Variants in TCHH observed in about 807,000 individuals in gnomAD.
The protein encoded by TCHH is trichohyalin.
A neutral mutation model predicts 6.3 loss-of-function variants in TCHH; 6 were observed. The observed-to-expected ratio is 0.95, with a 90% CI of 0.52 to 1.88. TCHH has a LOEUF of 1.88. TCHH is among the 40% of genes most tolerant of loss of function. TCHH has a pLI of 0.01. For missense variants in TCHH, 2,920 were observed against 2,449.1 expected, an observed-to-expected ratio of 1.19 and a Z score of -4.06; for synonymous variants, 1,087 against 963.6, an observed-to-expected ratio of 1.13 and a Z score of -2.37.
chr1:152,110,826 C>G lies in TCHH; in HGVS notation c.2391G>C (p.Gln797His). 1 of 1,609,142 alleles carries G rather than the reference C, an allele frequency of 6.2e-7. No homozygotes were observed. The highest frequency in any genetic ancestry group is 1.1e-5 in the South Asian group (1 of 91,082). Residue 797 changes from glutamine to histidine, a missense_variant, in exon 3 of 3, where the codon CAG (glutamine) becomes CAC (histidine). Physicochemically the swap from Gln to His is conservative, Grantham distance 24. Transcript: ENST00000614923. ...GCTGCTGGCGCTCCTCGGCCCTCAGCTGCCTCTCCCGCTGCTCCCGCAATG... is the reference window on the plus strand; with the variant it reads ...GCTGCTGGCGCTCCTCGGCCCTCAGGTGCCTCTCCCGCTGCTCCCGCAATG... ...RPPLREQRER[Q>H]LRAEERQQRE...
At position 152,109,511 on chromosome 1, in the gene TCHH, G is replaced by A. The variant is rs766564730; in HGVS notation, c.3706C>T (p.Arg1236Cys). Residue 1236 changes from arginine (R) to cysteine (C), a missense_variant, in exon 3 of 3, where the codon CGT (arginine) becomes TGT (cysteine). By Grantham distance (180) the Arg-to-Cys change is radical. Transcript: ENST00000614923. The part of the protein sequence containing the change: ...QWEPEKENAV[R>C]DNKVYCKGRE... ...CCTTTGCAGTAAACCTTGTTATCAC[G>A]AACTGCATTTTCTTTTTCTGGTTCC... 6.2e-7 allele frequency: 1 copy of A among 1,614,236 alleles called. No individual in the cohort carries two copies. Among genetic ancestry groups the A allele is most frequent in the Non-Finnish European group, 8.5e-7 (1 of 1,180,050 alleles).
rs772974347 is a variant in TCHH, at chr1:152,110,860, G to T, written c.2357C>A (p.Ala786Asp). 7 of 1,609,714 alleles carry T rather than the reference G, an allele frequency of 4.3e-6. No homozygotes were observed. Among genetic ancestry groups the T allele is most frequent in the Non-Finnish European group, 5.9e-6 (7 of 1,179,636 alleles). The change falls in exon 3 of 3, where the codon GCC becomes GAC. Residue 786 changes from alanine (A) to aspartate (D), a missense_variant. By Grantham distance (126) the Ala-to-Asp change is moderately radical (BLOSUM62 -2). Transcript: ENST00000614923. ...KSERGRQRLS[A>D]RPPLREQRER... ...CCGCTGCTCCCGCAATGGGGGCCTG[G>T]CCGACAGCCTCTGACGGCCCCTCTC...
chr1:152,110,438 C>G lies in TCHH; in HGVS notation c.2779G>C (p.Glu927Gln). 1 of 1,614,146 alleles carries G rather than the reference C, an allele frequency of 6.2e-7. No homozygotes were observed. The highest frequency in any genetic ancestry group is 2.2e-5 in the East Asian group (1 of 44,878). ...TGCTCTTCCTCGCGGTATTGTCTCT[C>G]CTGTTCTTGGCGCCTTCTCTTCTCG... ...EREKRRRQEQ[E>Q]RQYREEEQLQ... The change falls in exon 3 of 3, where the codon GAG becomes CAG. Residue 927 changes from glutamate to glutamine, a missense_variant. Transcript: ENST00000614923.
rs1234138060 is a variant in TCHH at position 152,112,949 on chromosome 1, C to G, written c.268G>C (p.Gly90Arg). Residue 90 changes from glycine (G) to arginine (R), a missense_variant, in exon 3 of 3, where the codon GGC becomes CGC. Gly to Arg is a moderately radical substitution (Grantham distance 125). Coordinates refer to ENST00000614923, the MANE Select transcript of TCHH (RefSeq NM_007113.4). ...TCCTCATCCAGTCCCGTGGCCTGGC[C>G]GAGAGCATAGTAACAAGCTTGAGCC... is the stretch of plus-strand genomic sequence containing the variant. ...KVAQACYYAL[G>R]QATGLDEEKR... 1 of 1,613,888 alleles carries G rather than the reference C, an allele frequency of 6.2e-7. No homozygotes were observed. The highest frequency in any genetic ancestry group is 8.5e-7 in the Non-Finnish European group (1 of 1,180,026).
At position 152,111,954 on chromosome 1, in the gene TCHH, G is replaced by C. The variant is rs756096456; in HGVS notation, c.1263C>G (p.Arg421=). ...CCTGCTCGCGCCTCAGCTGCTGCTC[G>C]CGCCTCAGCTGCTGCTCGCGCCTCA... is the stretch of plus-strand genomic sequence containing the variant. ...QQLRREQQLR[R]EQQLRREQEE... is the part of the protein sequence containing the mutation. The change falls in exon 3 of 3, where the codon CGC becomes CGG. Residue 421 remains arginine, a synonymous_variant. Transcript: ENST00000614923. The C allele has an allele frequency of 1.9e-6, 3 of 1,541,076 alleles. No individual in the cohort carries two copies. The African/African-American group carries it at 5.1e-5, about 26-fold the overall frequency.
chr1:152,110,733 C>T lies in TCHH; in HGVS notation c.2484G>A (p.Glu828=). ...CTTCCTCCAGGAACTGCAGCTCTTT[C>T]TCCCTCTCGCGTCGCTGGCGGCGCC... is the stretch of plus-strand genomic sequence containing the variant. The part of the protein sequence containing the change: ...EQRRRQRRER[E]KELQFLEEEE... The change falls in exon 3 of 3, where the codon GAG becomes GAA. Residue 828 remains glutamate, a synonymous_variant. Transcript: ENST00000614923. 6.2e-7 allele frequency: 1 copy of T among 1,610,210 alleles called. No individual in the cohort carries two copies. Among genetic ancestry groups the T allele is most frequent in the African/African-American group, 1.3e-5 (1 of 75,048 alleles).
Position 152,110,592 on chromosome 1 carries a change from C to T in TCHH, c.2625G>A (p.Arg875=). Residue 875 remains arginine (R), a synonymous_variant, in exon 3 of 3, where the codon AGG becomes AGA. Coordinates refer to ENST00000614923, the MANE Select transcript of TCHH (RefSeq NM_007113.4). ...SQEQRRDQKW[R]WQLEEERKRR... is the part of the protein sequence containing the mutation. The stretch of plus-strand genomic sequence containing the variant: ...TCTTCCTTTCTTCTTCTAGTTGCCA[C>T]CTCCATTTTTGGTCGCGGCGCTGCT... The T allele has an allele frequency of 1.2e-6, 2 of 1,614,200 alleles. No individual in the cohort carries two copies. Among genetic ancestry groups the T allele is most frequent in the Non-Finnish European group, 1.7e-6 (2 of 1,180,034 alleles).
chr1:152,108,555 GTCACGGTCC>G lies in TCHH; in HGVS notation c.4653_4661del (p.Gln1551_Asp1554delinsHis). ...GCTGTTCCTCCTCGCGGAATTTTCT[GTCACGGTCC>G]TGACGCCGCTGTTGCCCGCGCTCCT... On this transcript the variant is annotated inframe_deletion, in exon 3 of 3. Transcript: ENST00000614923. The G allele has an allele frequency of 1.2e-6, 2 of 1,602,502 alleles. No individual in the cohort carries two copies. The highest frequency in any genetic ancestry group is 1.7e-5 in the Admixed American group (1 of 58,788).
At position 152,106,756 on chromosome 1, in the gene TCHH, C is replaced by T. The variant is rs1330240456; in HGVS notation, c.*629G>A. 6.6e-6 allele frequency: 1 copy of T among 152,158 alleles called. No individual in the cohort carries two copies. Among genetic ancestry groups the T allele is most frequent in the Non-Finnish European group, 1.5e-5 (1 of 68,026 alleles). 9.4% of individuals were successfully genotyped at this position (152,158 alleles called of 1,614,324 possible). ...AAAAAATCTAATTTAAATTCTAAAT[C>T]TTCAAAGCTAAACCTATTCTTAACA... On this transcript the variant is annotated 3_prime_UTR_variant, in exon 3 of 3. Coordinates refer to ENST00000614923, the MANE Select transcript of TCHH (RefSeq NM_007113.4).
chr1:152,107,802 C>G lies in TCHH; in HGVS notation c.5415G>C (p.Gln1805His). The G allele has an allele frequency of 2.5e-6, 4 of 1,613,570 alleles. No homozygotes were observed. The highest frequency in any genetic ancestry group is 3.4e-6 in the Non-Finnish European group (4 of 1,179,816). ...GGCGCAGCTGCTGTTCTTCCCTCTC[C>G]TGGCGTAGCTGTTCCTCCTCGCGGA... ...RKFREEEQLR[Q>H]EREEQQLRPQ... is the part of the protein sequence containing the mutation. Residue 1805 changes from glutamine to histidine, a missense_variant, in exon 3 of 3, where the codon CAG becomes CAC. Gln to His is a conservative substitution (Grantham distance 24). Transcript: ENST00000614923.
In TCHH at chr1:152,110,997, CCGCCTCTTTTCCTCCTGCTCTTGGCGG is replaced by C. The variant is rs775541574; in HGVS notation, c.2193_2219del (p.Gln733_Arg741del). 1 of 1,613,506 alleles carries C rather than the reference CCGCCTCTTTTCCTCCTGCTCTTGGCGG, an allele frequency of 6.2e-7. No homozygotes were observed. On this transcript the variant is annotated inframe_deletion, in exon 3 of 3. Coordinates refer to ENST00000614923, the MANE Select transcript of TCHH (RefSeq NM_007113.4). ...GCCATTGCAGCTCACTCTCCCGGCG[CCGCCTCTTTTCCTCCTGCTCTTGGCGG>C]CGCCTCTGCCCTTCCTGCTTGCGGG...
chr1:152,110,921 C>T lies in TCHH; in HGVS notation c.2296G>A (p.Asp766Asn). 1.9e-6 allele frequency: 3 copies of T among 1,613,146 alleles called. No individual in the cohort carries two copies. The highest frequency in any genetic ancestry group is 1.1e-5 in the South Asian group (1 of 91,076). Reference protein sequence around the residue: ...RQQQEEEQRRDFTWQWQAEEK... With the variant: ...RQQQEEEQRRNFTWQWQAEEK... The stretch of plus-strand genomic sequence containing the variant: ...TCCGCCTGCCACTGCCATGTGAAGT[C>T]CCGGCGCTGCTCCTCTTCCTGCTGC... The change falls in exon 3 of 3, where the codon GAC becomes AAC. Residue 766 changes from aspartate to asparagine, a missense_variant. Physicochemically the swap from Asp to Asn is conservative, Grantham distance 23 (BLOSUM62 1). Coordinates refer to ENST00000614923, the MANE Select transcript of TCHH (RefSeq NM_007113.4).
rs1437826990 is a variant in TCHH, at chr1:152,107,936, C to T, written c.5281G>A (p.Glu1761Lys). 3 of 1,613,686 alleles carry T rather than the reference C, an allele frequency of 1.9e-6. No homozygotes were observed. The highest frequency in any genetic ancestry group is 2.5e-6 in the Non-Finnish European group (3 of 1,179,922). ...CGCTCCTGGCGGCGCAGCTGCTGTT[C>T]TTCCCTTTCCGGACGGAGCTGCTCT... ...EEEQLRPERE[E>K]QQLRRQERDR... The change falls in exon 3 of 3, where the codon GAA (glutamate) becomes AAA (lysine). Residue 1761 changes from glutamate (E) to lysine (K), a missense_variant. Glu to Lys is a moderately conservative substitution (Grantham distance 56). Coordinates refer to ENST00000614923, the MANE Select transcript of TCHH (RefSeq NM_007113.4).
At position 152,107,991 on chromosome 1, in the gene TCHH, G is replaced by T. The variant is rs1390754488; in HGVS notation, c.5226C>A (p.Arg1742=). 1.6e-5 allele frequency: 25 copies of T among 1,612,804 alleles called. No homozygotes were observed. Among genetic ancestry groups the T allele is most frequent in the Non-Finnish European group, 2.1e-5 (25 of 1,179,802 alleles). ...CTAGGATTTTTCTGTAGCGTTCTTG[G>T]CGGCGCAGCTGCTCTTGCTCCGTTT... The part of the protein sequence containing the change: ...RQETEQEQLR[R]QERYRKILEE... The change falls in exon 3 of 3, where the codon CGC becomes CGA. Residue 1742 remains arginine, a synonymous_variant. Coordinates refer to ENST00000614923, the MANE Select transcript of TCHH (RefSeq NM_007113.4).
rs753993304 is a variant in TCHH at position 152,107,685 on chromosome 1, C to CT, written c.5531dup (p.Tyr1845ValfsTer16). 1.2e-6 allele frequency: 2 copies of CT among 1,614,238 alleles called. No homozygotes were observed. The highest frequency in any genetic ancestry group is 1.7e-6 in the Non-Finnish European group (2 of 1,180,050). On this transcript the variant is annotated frameshift_variant, in exon 3 of 3. Transcript: ENST00000614923. LOFTEE classifies it low-confidence loss of function (END_TRUNC). ...TGGCAAACTGCTCCTCCGCCCGGTA[C>CT]TGCCGGTCTCGCTCCTGCCGCAGCC...
In TCHH at chr1:152,111,100, C is replaced by T. The variant is rs1049486743; in HGVS notation, c.2117G>A (p.Trp706Ter). 2.5e-6 allele frequency: 4 copies of T among 1,613,586 alleles called. No individual in the cohort carries two copies. The Admixed American group carries it at 5.0e-5, about 20-fold the overall frequency. Residue 706 changes from tryptophan (W) to a stop codon, truncating the protein, a stop_gained, in exon 3 of 3, where the codon TGG (tryptophan) becomes TAG (stop). Transcript: ENST00000614923. LOFTEE classifies it low-confidence loss of function (END_TRUNC). ...RIKSRIPKWQWQLESEADARQ... is the reference protein window; with the variant it reads ...RIKSRIPKWQ ...TGCGTCGGCCTCGCTTTCTAGCTGCCACTGCCACTTCGGGATGCGGCTCTT... is the reference window on the plus strand; with the variant it reads ...TGCGTCGGCCTCGCTTTCTAGCTGCTACTGCCACTTCGGGATGCGGCTCTT...
In TCHH at chr1:152,111,734, C is replaced by A; in HGVS notation, c.1483G>T (p.Glu495Ter). 1.4e-5 allele frequency: 21 copies of A among 1,529,076 alleles called. No homozygotes were observed. Among genetic ancestry groups the A allele is most frequent in the Non-Finnish European group, 1.9e-5 (21 of 1,134,888 alleles). 94.7% of individuals were successfully genotyped at this position (1,529,076 alleles called of 1,614,324 possible). The part of the protein sequence containing the change: ...RERWLKLEEE[E>*]RREQQERREQ... ...CGCCTCTCCTGCTGCTCGCGCCTCT[C>A]CTCCTCCTCGAGCTTCAGCCAACGT... The change falls in exon 3 of 3, where the codon GAG becomes TAG. Residue 495 changes from glutamate (E) to a stop codon, truncating the protein, a stop_gained. Transcript: ENST00000614923. LOFTEE classifies it low-confidence loss of function (END_TRUNC).
intron 1 of TCHH, 29 bp from the exon 2 acceptor site, chr1:152,114,140 A>G: frequency 6.6e-7 from 1 of 1,506,808 alleles, no homozygotes. Context: ...ATCCAGAATC[A>G]AAATCCCGTT....
Position 152,112,682 on chromosome 1 carries a change from C to G in TCHH, c.535G>C (p.Glu179Gln). 3 of 1,614,100 alleles carry G rather than the reference C, an allele frequency of 1.9e-6. No individual in the cohort carries two copies. The highest frequency in any genetic ancestry group is 8.5e-7 in the Non-Finnish European group (1 of 1,180,026). Residue 179 changes from glutamate to glutamine, a missense_variant, in exon 3 of 3, where the codon GAA (glutamate) becomes CAA (glutamine). Transcript: ENST00000614923. ...CGGCGCTCTTCCCGTTCTTGCCATT[C>G]TTGCCTTTGCCGCCACAGCTCCTCG... is the stretch of plus-strand genomic sequence containing the variant. ...RDEELWRQRQ[E>Q]WQEREERRAE...
Sources: gnomAD v4.1 joint callset for allele counts on GRCh38, gnomAD v4.1.1 for gene constraint, MANE v1.5 for transcripts, NCBI Gene and HGNC (gene_info 2026-07-23, HGNC 2026-07-21) for gene names.